The following ARF4 variants were observed in gnomAD, a reference collection of about 807,000 sequenced individuals.
The protein encoded by ARF4 is ADP-ribosylation factor 4.
ARF4 carries 5 observed loss-of-function variants against 24.3 expected under a neutral mutation model. The ratio of observed to expected loss-of-function variants is 0.21; its 90% CI spans 0.11 to 0.43. The LOEUF is 0.43. Ranked by LOEUF, ARF4 falls within the 20% of genes least tolerant of loss-of-function variation. The pLI, the probability that ARF4 is intolerant of heterozygous loss-of-function variation, is 1.00. For synonymous variants in ARF4, 62 were observed against 73.5 expected, an observed-to-expected ratio of 0.84 and a Z score of 0.80; for missense variants, 107 against 213.0, an observed-to-expected ratio of 0.50 and a Z score of 3.10.
In ARF4 at chr3:57,589,477, T is replaced by C. The variant is rs6805269; in HGVS notation, c.68-5013A>G. On this transcript the variant is annotated intron_variant, in intron 1 of 5. Transcript: ENST00000303436. Reference sequence around the variant, plus strand: ...GCTCACACCTGTAATCCCAGCACTTTGGGAGGCTGAAGTGGGTGGATCACG... The same window carrying C: ...GCTCACACCTGTAATCCCAGCACTTCGGGAGGCTGAAGTGGGTGGATCACG... Among the ~76,000 whole-genome samples, 10 of 151,882 alleles carry C rather than the reference T, an allele frequency of 6.6e-5. No homozygotes were observed. The East Asian group carries it at 2.0e-3, about 30-fold the overall frequency.
rs2070201794 is a variant in ARF4 at position 57,597,260 on chromosome 3, G to A, written c.-120C>T. Reference sequence around the variant, plus strand: ...GGAAGAGAAAGAGCGGAGGAAGAAAGAGGGAGGCAGAAACGTCTCAGTGGC... The same window carrying A: ...GGAAGAGAAAGAGCGGAGGAAGAAAAAGGGAGGCAGAAACGTCTCAGTGGC... On this transcript the variant is annotated 5_prime_UTR_variant, in exon 1 of 6. Transcript: ENST00000303436. 2 of 984,994 alleles carry A rather than the reference G, an allele frequency of 2.0e-6. No individual in the cohort carries two copies. The highest frequency in any genetic ancestry group is 2.6e-5 in the East Asian group (1 of 37,814). 61.0% of individuals were successfully genotyped at this position (984,994 alleles called of 1,614,324 possible).
chr3:57,581,077 T>C (rs1049845958), intron 3 of ARF4, among the ~76,000 whole-genome samples: 3 of 152,252 alleles, frequency 2.0e-5, no homozygotes, highest in African/African-American at 4.8e-5. Flanking sequence ...TATGAAATTA[T>C]TTGAAAAGCC....
chr3:57,590,670 G>A (rs1018909966), intron 1 of ARF4, among the ~76,000 whole-genome samples: 1 of 152,066 alleles, frequency 6.6e-6, no homozygotes, highest in Non-Finnish European at 1.5e-5. Flanking sequence ...AAGTGTGTGT[G>A]TGTACATATA....
chr3:57,588,995 G>A (rs766694385), intron 1 of ARF4, among the ~76,000 whole-genome samples: 8 of 152,120 alleles, frequency 5.3e-5, no homozygotes, highest in Admixed American at 3.9e-4. Flanking sequence ...CCAGCTACTC[G>A]GGAGGCTGAG....
At chr3:57,572,405 T>G (rs1437404184) in intron 5 of ARF4, 107 bp from the exon 6 acceptor site, 2 of 778,728 alleles carry the variant, frequency 2.6e-6, no homozygotes, top group African/African-American at 1.7e-5. Context: ...CTCTTGCATC[T>G]CACAAAACTC....
At chr3:57,584,060 C>T (rs540803118) in intron 2 of ARF4, 53 bp from the exon 3 acceptor site, 4 of 1,230,728 alleles carry the variant, frequency 3.3e-6, no homozygotes, top group Admixed American at 4.3e-5. Context: ...GAAAATAAAA[C>T]CTTTTATTGT....
At chr3:57,572,999 G>A (rs1480934723) in intron 5 of ARF4, among the ~76,000 whole-genome samples, 3 of 151,818 alleles carry the variant, frequency 2.0e-5, no homozygotes, top group African/African-American at 4.8e-5. Flanking sequence ...TCAGGAGATC[G>A]AGACCTTCCT....
At chr3:57,596,768 A>T (rs2070192989) in intron 1 of ARF4, 1 of 318,900 alleles carries the variant, frequency 3.1e-6, no homozygotes, top group Admixed American at 4.6e-5. Flanking sequence ...TGCTTCCCAG[A>T]GTTGGCTTTC....
rs779360434 is a variant in ARF4, at chr3:57,583,976, G to A, written c.180C>T (p.Asn60=). The part of the protein sequence containing the change: ...GFNVETVEYK[N]ICFTVWDVGG... ...CAACATCCCATACTGTGAAACAAATGTTCTTATATTCTACTGTTTCCACAT... is the reference window on the plus strand; with the variant it reads ...CAACATCCCATACTGTGAAACAAATATTCTTATATTCTACTGTTTCCACAT... The change falls in exon 3 of 6, where the codon AAC becomes AAT. Residue 60 remains asparagine, a synonymous_variant. Transcript: ENST00000303436. 8.1e-6 allele frequency: 13 copies of A among 1,612,486 alleles called. No homozygotes were observed. The highest frequency in any genetic ancestry group is 2.2e-5 in the South Asian group (2 of 90,980).
At chr3:57,585,242 A>C (rs2070022483) in intron 1 of ARF4, among the ~76,000 whole-genome samples, 1 of 152,222 alleles carries the variant, frequency 6.6e-6, no homozygotes, top group Non-Finnish European at 1.5e-5. Flanking sequence ...TAAGATTTGT[A>C]AAAATATTTT....
chr3:57,584,473 A>C lies in ARF4; in HGVS notation c.68-9T>G, dbSNP rs772124941. 5 of 1,606,356 alleles carry C rather than the reference A, an allele frequency of 3.1e-6. No homozygotes were observed. The highest frequency in any genetic ancestry group is 3.4e-5 in the Admixed American group (2 of 59,504). On this transcript the variant is annotated splice_polypyrimidine_tract_variant and intron_variant, in intron 1 of 5. Coordinates refer to ENST00000303436, the MANE Select transcript of ARF4 (RefSeq NM_001660.4). ...AGCAGCATCCAATCCAACTAGAAGA[A>C]GACATTATAGATTTAAAATCCAGAC...
chr3:57,584,481 T>G lies in ARF4; in HGVS notation c.68-17A>C. On this transcript the variant is annotated splice_polypyrimidine_tract_variant and intron_variant, in intron 1 of 5. Transcript: ENST00000303436. ...CCAATCCAACTAGAAGAAGACATTA[T>G]AGATTTAAAATCCAGACCAAAAGCA... 1 of 1,601,004 alleles carries G rather than the reference T, an allele frequency of 6.2e-7. No individual in the cohort carries two copies. The highest frequency in any genetic ancestry group is 8.5e-7 in the Non-Finnish European group (1 of 1,170,144).
chr3:57,585,045 G>C (rs1210417219), intron 1 of ARF4, among the ~76,000 whole-genome samples: 1 of 151,994 alleles, frequency 6.6e-6, no homozygotes, highest in African/African-American at 2.4e-5. Flanking sequence ...TGTATTTTTA[G>C]TAGAGACGGG....
At chr3:57,584,600 CTTA>C in intron 1 of ARF4, 136 bp from the exon 2 acceptor site, 1 of 736,094 alleles carries the variant, frequency 1.4e-6, no homozygotes. Context: ...ATGAAATGAC[CTTA>C]TTTCTGATTC....
chr3:57,584,481 T>C lies in ARF4; in HGVS notation c.68-17A>G. 6.2e-6 allele frequency: 10 copies of C among 1,601,004 alleles called. No individual in the cohort carries two copies. The highest frequency in any genetic ancestry group is 1.3e-5 in the African/African-American group (1 of 74,708). The stretch of plus-strand genomic sequence containing the variant: ...CCAATCCAACTAGAAGAAGACATTA[T>C]AGATTTAAAATCCAGACCAAAAGCA... On this transcript the variant is annotated splice_polypyrimidine_tract_variant and intron_variant, in intron 1 of 5. Transcript: ENST00000303436.
chr3:57,594,525 T>C (rs2070158267), intron 1 of ARF4, among the ~76,000 whole-genome samples: 1 of 152,252 alleles, frequency 6.6e-6, no homozygotes, highest in African/African-American at 2.4e-5. Context: ...GGTTTTTTAA[T>C]TACAGTTAAC....
At chr3:57,573,046 C>CA (rs2069859135) in intron 5 of ARF4, among the ~76,000 whole-genome samples, 1 of 151,324 alleles carries the variant, frequency 6.6e-6, no homozygotes. Flanking sequence ...ACTAAAAATA[C>CA]AAAAAATTAG....
rs185572477 is a variant in ARF4 at position 57,572,859 on chromosome 3, G to A, written c.457-561C>T. ...TACCCATCTGGTTTTTATAACTCTCGTTTCCCATAAAACTAAACTCAAAGT... is the reference window on the plus strand; with the variant it reads ...TACCCATCTGGTTTTTATAACTCTCATTTCCCATAAAACTAAACTCAAAGT... On this transcript the variant is annotated intron_variant, in intron 5 of 5. Transcript: ENST00000303436. 2.6e-5 allele frequency among the ~76,000 whole-genome samples: 4 copies of A among 152,050 alleles called. No homozygotes were observed. The East Asian group carries it at 5.8e-4, about 22-fold the overall frequency.
At chr3:57,573,964 C>T (rs991071557) in intron 5 of ARF4, among the ~76,000 whole-genome samples, 11 of 148,996 alleles carry the variant, frequency 7.4e-5, no homozygotes, top group East Asian at 2.1e-4. Flanking sequence ...TGTTTTGAGA[C>T]GGAGTCTCGC....
Sources: gnomAD v4.1 joint callset for allele counts (sites outside exome capture counted in the v4.1 genomes callset) on GRCh38, gnomAD v4.1.1 for gene constraint, MANE v1.5 for transcripts, NCBI Gene and HGNC (gene_info 2026-07-23, HGNC 2026-07-21) for gene names.